The following LRRC49 variants were observed in gnomAD, a reference collection of about 807,000 sequenced individuals.
LRRC49 encodes the protein leucine rich repeat containing 49, also known as leucine-rich repeat-containing protein 49.
In LRRC49, 50 loss-of-function variants were observed where a neutral mutation model predicts 83.3. That is an observed-to-expected ratio of 0.60 (90% CI 0.48 to 0.76). LRRC49 has a LOEUF of 0.76. LRRC49 is among the 30% of genes least tolerant of loss of function. The probability of loss-of-function intolerance (pLI) is 0.00; values close to 1 mark genes in which losing one functional copy is unlikely to be tolerated. For missense variants in LRRC49, 704 were observed against 809.1 expected, an observed-to-expected ratio of 0.87 and a Z score of 1.58; for synonymous variants, 286 against 283.3, an observed-to-expected ratio of 1.01 and a Z score of -0.10.
At chr15:70,896,031 A>G in intron 3 of LRRC49, 95 bp downstream of exon 3, 1 of 736,200 alleles carries the variant, frequency 1.4e-6, no homozygotes, top group Non-Finnish European at 2.1e-6. Context: ...AATAAACTTG[A>G]ATTTAAAATG....
At chr15:70,950,451 G>A (rs1567066312) in intron 8 of LRRC49, among the ~76,000 whole-genome samples, 1 of 151,034 alleles carries the variant, frequency 6.6e-6, no homozygotes, top group African/African-American at 2.4e-5. Flanking sequence ...CAATGTATAA[G>A]TATTCTCCCT....
intron 11 of LRRC49, among the ~76,000 whole-genome samples, chr15:71,003,068 G>C (rs2038324202): frequency 6.8e-6 from 1 of 148,000 alleles, no homozygotes; most frequent in Non-Finnish European, 1.5e-5. Context: ...CTCCCGAGTA[G>C]CTGGGATTAC....
chr15:70,944,358 C>A (rs969981822), intron 8 of LRRC49, among the ~76,000 whole-genome samples: 1 of 152,126 alleles, frequency 6.6e-6, no homozygotes, highest in African/African-American at 2.4e-5. Context: ...TTTTGATACC[C>A]TTTGAAATGT....
rs1339245755 is a variant in LRRC49, at chr15:71,009,974, G to T, written c.1575G>T (p.Gln525His). ...TTAGGCTAAGCCATTTCAGTATGCA[G>T]AAAATAAATGGAACAGAGGTAAGCT... ...VLFRLSHFSM[Q>H]KINGTEVTQN... Residue 525 changes from glutamine (Q) to histidine (H), a missense_variant, in exon 13 of 16, where the codon CAG (glutamine) becomes CAT (histidine). By Grantham distance (24) the Gln-to-His change is conservative (BLOSUM62 0). This residue lies in a region of LRRC49 where 275 missense variants were observed against 338.0 expected (regional missense o/e 0.81). Transcript: ENST00000260382. The T allele has an allele frequency of 2.5e-6, 4 of 1,594,864 alleles. No individual in the cohort carries two copies. The highest frequency in any genetic ancestry group is 3.4e-6 in the Non-Finnish European group (4 of 1,169,706).
At position 70,993,327 on chromosome 15, in the gene LRRC49, T is replaced by C. The variant is rs148697816; in HGVS notation, c.1169+9070T>C. On this transcript the variant is annotated intron_variant, in intron 11 of 15. Transcript: ENST00000260382. Reference sequence around the variant, plus strand: ...AGGGAATTCCCTGACCCTTTGCCCTTCCCAGGTGAGGTGATGCCTCACCCT... The same window carrying C: ...AGGGAATTCCCTGACCCTTTGCCCTCCCCAGGTGAGGTGATGCCTCACCCT... 1.3e-4 allele frequency among the ~76,000 whole-genome samples: 20 copies of C among 152,334 alleles called. No individual in the cohort carries two copies. The East Asian group carries it at 3.9e-3, about 29-fold the overall frequency.
Position 70,919,084 on chromosome 15 carries a change from A to AGTT in LRRC49, c.604_606dup (p.Leu202dup), listed in dbSNP as rs1450281306. ...ATTGAAAATATTAATCATTTGTGTG[A>AGTT]GTTGAGAGTTTTAAATCTTGCCAGG... On this transcript the variant is annotated inframe_insertion, in exon 7 of 16. Coordinates refer to ENST00000260382, the MANE Select transcript of LRRC49 (RefSeq NM_017691.5). 6.2e-7 allele frequency: 1 copy of AGTT among 1,611,992 alleles called. No individual in the cohort carries two copies. The highest frequency in any genetic ancestry group is 1.1e-5 in the South Asian group (1 of 90,884).
At chr15:70,966,017 T>C (rs1399414628) in intron 9 of LRRC49, among the ~76,000 whole-genome samples, 1 of 152,150 alleles carries the variant, frequency 6.6e-6, no homozygotes, top group Admixed American at 6.6e-5. Context: ...GTATTATCTA[T>C]GTTTGCTTTG....
At chr15:70,936,362 T>G (rs1430437349) in intron 7 of LRRC49, 1 of 158,110 alleles carries the variant, frequency 6.3e-6, no homozygotes, top group Non-Finnish European at 1.4e-5. Flanking sequence ...GAAAGCTAAT[T>G]GTATAAATTT....
intron 14 of LRRC49, among the ~76,000 whole-genome samples, chr15:71,017,772 T>C (rs2038872887): frequency 1.3e-5 from 2 of 152,190 alleles, no homozygotes; most frequent in South Asian, 4.1e-4. Context: ...AACATGACTT[T>C]TGGTGGAAGG....
chr15:70,992,412 C>T (rs982061522), intron 11 of LRRC49, among the ~76,000 whole-genome samples: 3 of 152,216 alleles, frequency 2.0e-5, no homozygotes, highest in Non-Finnish European at 4.4e-5. Context: ...AGCTTTTCTG[C>T]TCTGTTTTTT....
At chr15:70,966,622 T>C (rs1428973155) in intron 9 of LRRC49, among the ~76,000 whole-genome samples, 1 of 152,124 alleles carries the variant, frequency 6.6e-6, no homozygotes, top group East Asian at 1.9e-4. Flanking sequence ...TTTCTTTCTA[T>C]TTACATATAT....
intron 8 of LRRC49, among the ~76,000 whole-genome samples, chr15:70,949,271 A>G (rs2036127337): frequency 6.6e-6 from 1 of 152,200 alleles, no homozygotes; most frequent in African/African-American, 2.4e-5. Flanking sequence ...ATTTTGGTCA[A>G]CGATGGACCA....
At chr15:71,008,700 A>G in intron 12 of LRRC49, 84 bp downstream of exon 12, 1 of 905,516 alleles carries the variant, frequency 1.1e-6, no homozygotes, top group South Asian at 1.7e-5. Flanking sequence ...TTTAACTTGT[A>G]TTTATGTAGT....
chr15:70,945,290 A>C (rs1288428916), intron 8 of LRRC49, among the ~76,000 whole-genome samples: 1 of 152,144 alleles, frequency 6.6e-6, no homozygotes, highest in Non-Finnish European at 1.5e-5. Flanking sequence ...TCTCCCAAGG[A>C]TCACAGCCCT....
chr15:70,952,445 T>C (rs187866197), intron 8 of LRRC49, among the ~76,000 whole-genome samples: 30 of 152,272 alleles, frequency 2.0e-4, no homozygotes, highest in Admixed American at 2.0e-3. Context: ...CTGAACTCAT[T>C]ATTGGACTGT....
chr15:70,873,716 G>T (rs889755459), intron 2 of LRRC49, among the ~76,000 whole-genome samples: 1 of 152,182 alleles, frequency 6.6e-6, no homozygotes, highest in African/African-American at 2.4e-5. Flanking sequence ...CAGTCACATG[G>T]TAGTCCTAGA....
At chr15:70,897,711 G>A (rs111895940) in intron 3 of LRRC49, among the ~76,000 whole-genome samples, 7,513 of 152,118 alleles carry the variant, frequency 0.049, 625 homozygotes, top group African/African-American at 0.17. Flanking sequence ...AAATTAACCA[G>A]TGGTACTCTC....
In LRRC49 at chr15:70,919,124, T is replaced by C. The variant is rs2034907802; in HGVS notation, c.642T>C (p.His214=). The C allele has an allele frequency of 6.2e-7, 1 of 1,612,540 alleles. No individual in the cohort carries two copies. Among genetic ancestry groups the C allele is most frequent in the Non-Finnish European group, 8.5e-7 (1 of 1,178,830 alleles). ...ATCTTGCCAGGAACTTTTTAAGTCA[T>C]GTTGATAATCTTAATGGGCTGGATT... The part of the protein sequence containing the change: ...VLNLARNFLS[H]VDNLNGLDSL... The change falls in exon 7 of 16, where the codon CAT becomes CAC. Residue 214 remains histidine (H), a synonymous_variant. Coordinates refer to ENST00000260382, the MANE Select transcript of LRRC49 (RefSeq NM_017691.5).
At chr15:70,943,901 C>A (rs772329285) in intron 8 of LRRC49, among the ~76,000 whole-genome samples, 1 of 152,198 alleles carries the variant, frequency 6.6e-6, no homozygotes, top group African/African-American at 2.4e-5. Flanking sequence ...ACCTGAGGGT[C>A]GCCTGACATT....
Sources: allele counts gnomAD v4.1 joint callset (sites outside exome capture counted in the v4.1 genomes callset), GRCh38; gene constraint gnomAD v4.1.1; regional missense constraint gnomAD v4.1.1; transcripts MANE v1.5; gene names NCBI Gene and HGNC (gene_info 2026-07-23, HGNC 2026-07-21).